Variants in TRMT44 observed in about 807,000 individuals in gnomAD.
TRMT44 encodes tRNA methyltransferase 44 homolog.
A neutral mutation model predicts 77.3 loss-of-function variants in TRMT44; 78 were observed. The ratio of observed to expected loss-of-function variants is 1.01; its 90% CI spans 0.84 to 1.22. The LOEUF (loss-of-function observed/expected upper bound fraction) is 1.22. Ranked by LOEUF, TRMT44 falls within the 50% of genes most tolerant of loss-of-function variation. The pLI is 0.00. For synonymous variants in TRMT44, 391 were observed against 383.3 expected (o/e 1.02, Z -0.23); for missense variants, 1,090 against 964.4 (o/e 1.13, Z -1.73).
intron 8 of TRMT44, among the ~76,000 whole-genome samples, 168 bp downstream of exon 8, chr4:8,465,729 G>A (rs1404319376): frequency 2.0e-5 from 3 of 152,126 alleles, no homozygotes; most frequent in Admixed American, 6.5e-5. Context: ...GGCTTGTTCT[G>A]TCCCATGGTG....
At chr4:8,449,233 A>C (rs1432842769) in intron 2 of TRMT44, among the ~76,000 whole-genome samples, 2 of 152,272 alleles carry the variant, frequency 1.3e-5, no homozygotes, top group Admixed American at 1.3e-4. Context: ...GGCAAAATGC[A>C]CAGCAGCCTT....
In TRMT44 at chr4:8,452,654, A is replaced by G. The variant is rs1224464856; in HGVS notation, c.1024-228A>G. 6.6e-6 allele frequency among the ~76,000 whole-genome samples: 1 copy of G among 152,048 alleles called. No individual in the cohort carries two copies. Among genetic ancestry groups the G allele is most frequent in the East Asian group, 1.9e-4 (1 of 5,178 alleles). ...GAGGCTGAGGCAGGAGAATTGCTTG[A>G]ACCCAGGAGGCGGAGGTTGCAGTGA... On this transcript the variant is annotated intron_variant, in intron 4 of 10. Transcript: ENST00000389737. The surrounding 1 kb of genome is among the most constrained non-coding windows in gnomAD (Gnocchi z 5.7).
At chr4:8,454,930 C>A in intron 6 of TRMT44, 117 bp downstream of exon 6, 1 of 894,752 alleles carries the variant, frequency 1.1e-6, no homozygotes, top group Non-Finnish European at 1.8e-6. Context: ...AGTAAACCTT[C>A]ACATTAATCT....
the TRMT44 span, chr4:8,509,275 G>A: frequency 6.6e-6 from 1 of 152,614 alleles, no homozygotes; most frequent in African/African-American, 2.4e-5. Context: ...ATCCCTCTGA[G>A]CCTCTCCGGC....
the TRMT44 span, among the ~76,000 whole-genome samples, chr4:8,513,112 C>T: frequency 6.6e-6 from 1 of 152,140 alleles, no homozygotes; most frequent in East Asian, 1.9e-4. Context: ...AGGGTTTTAC[C>T]ATGTTGGTCA....
chr4:8,482,073 C>G (rs931275550), intron 2 of TRMT44, among the ~76,000 whole-genome samples: 13 of 152,328 alleles, frequency 8.5e-5, no homozygotes, highest in Admixed American at 7.8e-4. Flanking sequence ...AAAGCTTTTG[C>G]TAAACCCTTC....
chr4:8,494,472 T>G (rs1728096627), downstream of TRMT44, among the ~76,000 whole-genome samples: 1 of 152,166 alleles, frequency 6.6e-6, no homozygotes, highest in Non-Finnish European at 1.5e-5. Flanking sequence ...CCAGACTAAG[T>G]TGTGTATTCA....
At chr4:8,455,748 A>C (rs1386853649) in intron 6 of TRMT44, among the ~76,000 whole-genome samples, 1 of 152,220 alleles carries the variant, frequency 6.6e-6, no homozygotes, top group Non-Finnish European at 1.5e-5. Context: ...ATGGCTGTAC[A>C]ATGTTCCATT....
chr4:8,442,368 G>T (rs1057353570), intron 1 of TRMT44, among the ~76,000 whole-genome samples: 2 of 152,202 alleles, frequency 1.3e-5, no homozygotes, highest in African/African-American at 4.8e-5. Flanking sequence ...CTCAGCGTTC[G>T]TTAAATCTCT....
downstream of TRMT44, among the ~76,000 whole-genome samples, chr4:8,498,132 C>T (rs373388387): frequency 1.3e-5 from 2 of 152,156 alleles, no homozygotes; most frequent in East Asian, 3.9e-4. The surrounding 1 kb of genome is among the most constrained non-coding windows in gnomAD (Gnocchi z 4.3). Flanking sequence ...GGTTCCCCTT[C>T]TCCGGGGTTT....
At chr4:8,497,791 T>C (rs73223271), downstream of TRMT44, among the ~76,000 whole-genome samples, 3,425 of 152,352 alleles carry the variant, frequency 0.022, 72 homozygotes, top group African/African-American at 0.053. Flanking sequence ...TCTAGTTCTC[T>C]ATTTCCCACA....
rs1342326447 is a variant in TRMT44, at chr4:8,444,835, A to G, written c.620-1641A>G. On this transcript the variant is annotated intron_variant, in intron 1 of 10. Coordinates refer to ENST00000389737, the MANE Select transcript of TRMT44 (RefSeq NM_152544.3). This position sits in a 1 kb window ranked among gnomAD's most constrained non-coding sequence, Gnocchi z 4.0. ...TTGCATGCCTGGATCAAAACATTTCATGTACCCTGTAAATATATATACCTG... is the reference window on the plus strand; with the variant it reads ...TTGCATGCCTGGATCAAAACATTTCGTGTACCCTGTAAATATATATACCTG... Among the ~76,000 whole-genome samples the G allele has an allele frequency of 1.3e-5, 2 of 152,250 alleles. No individual in the cohort carries two copies. Among genetic ancestry groups the G allele is most frequent in the African/African-American group, 2.4e-5 (1 of 41,470 alleles).
At chr4:8,455,422 G>A (rs914888855) in intron 6 of TRMT44, among the ~76,000 whole-genome samples, 1 of 152,204 alleles carries the variant, frequency 6.6e-6, no homozygotes, top group African/African-American at 2.4e-5. Context: ...GATCACCTCC[G>A]GGCACACAGA....
intron 2 of TRMT44, among the ~76,000 whole-genome samples, chr4:8,489,278 C>T (rs1419618764): frequency 6.6e-6 from 1 of 152,192 alleles, no homozygotes; most frequent in African/African-American, 2.4e-5. Flanking sequence ...AGCCTGGAAA[C>T]CTGGCATTGA....
the TRMT44 span, among the ~76,000 whole-genome samples, chr4:8,503,985 C>T: frequency 6.6e-6 from 1 of 152,192 alleles, no homozygotes; most frequent in Non-Finnish European, 1.5e-5. Context: ...GAGCGTCTCC[C>T]CCGAGGCTCC....
At chr4:8,454,473 C>T (rs927465689) in intron 5 of TRMT44, 23 of 552,276 alleles carry the variant, frequency 4.2e-5, no homozygotes, top group African/African-American at 3.8e-4. Context: ...CTGTGCAGTA[C>T]AGCAGCAAGA....
chr4:8,479,952 A>C (rs1046750426), downstream of TRMT44, among the ~76,000 whole-genome samples: 1 of 151,948 alleles, frequency 6.6e-6, no homozygotes, highest in African/African-American at 2.4e-5. Flanking sequence ...ATCTCGGCTC[A>C]CTACAGTGAG....
intron 2 of TRMT44, among the ~76,000 whole-genome samples, chr4:8,448,999 C>T (rs542690047): frequency 6.6e-6 from 1 of 152,242 alleles, no homozygotes; most frequent in Non-Finnish European, 1.5e-5. Context: ...CTGCCCCAAA[C>T]GCAGCCCTTG....
chr4:8,495,353 C>T (rs944819529), downstream of TRMT44, among the ~76,000 whole-genome samples: 1 of 152,174 alleles, frequency 6.6e-6, no homozygotes, highest in Non-Finnish European at 1.5e-5. Context: ...GTCAGGATTT[C>T]CACGCTGGGC....
Sources: allele counts gnomAD v4.1 joint callset (sites outside exome capture counted in the v4.1 genomes callset), GRCh38; gene constraint gnomAD v4.1.1; non-coding constraint Gnocchi (gnomAD v3.1); transcripts MANE v1.5; gene names NCBI Gene and HGNC (gene_info 2026-07-23, HGNC 2026-07-21).